Variants in SEMA3E observed in about 807,000 individuals in gnomAD.
SEMA3E encodes semaphorin 3E, also known as semaphorin-3E.
Under a neutral mutation model 93.6 loss-of-function variants are expected in SEMA3E, and 49 were observed. The observed-to-expected ratio is 0.52, with a 90% confidence interval of 0.42 to 0.66. The LOEUF (loss-of-function observed/expected upper bound fraction) is 0.66. Ranked by LOEUF, SEMA3E falls within the 30% of genes least tolerant of loss-of-function variation. The pLI is 0.00. For missense variants in SEMA3E, 906 were observed against 964.8 expected (o/e 0.94, Z 0.81); for synonymous variants, 363 against 330.7 (o/e 1.10, Z -1.06).
intron 1 of SEMA3E, among the ~76,000 whole-genome samples, chr7:83,624,715 G>C (rs1343697295): frequency 6.6e-6 from 1 of 152,132 alleles, no homozygotes; most frequent in Non-Finnish European, 1.5e-5. Flanking sequence ...CTGTGCAGAA[G>C]CTCTTTAGTT....
At chr7:83,453,630 TTGAAA>T (rs1459365678) in intron 4 of SEMA3E, among the ~76,000 whole-genome samples, 2 of 152,154 alleles carry the variant, frequency 1.3e-5, no homozygotes, top group African/African-American at 4.8e-5. Flanking sequence ...AACCACTTAC[TTGAAA>T]TGAAAATATT....
chr7:83,482,815 C>T (rs2115948684), intron 2 of SEMA3E, among the ~76,000 whole-genome samples: 1 of 152,134 alleles, frequency 6.6e-6, no homozygotes, highest in East Asian at 1.9e-4. Flanking sequence ...GGAGAACCTT[C>T]TCCAAATCTA....
At chr7:83,547,838 T>C (rs1250610005) in intron 1 of SEMA3E, among the ~76,000 whole-genome samples, 1 of 152,032 alleles carries the variant, frequency 6.6e-6, no homozygotes, top group Non-Finnish European at 1.5e-5. Flanking sequence ...CAGACTCCAG[T>C]AGGCTTACTA....
intron 2 of SEMA3E, among the ~76,000 whole-genome samples, chr7:83,473,462 C>G (rs1268714783): frequency 6.6e-6 from 1 of 152,174 alleles, no homozygotes; most frequent in Non-Finnish European, 1.5e-5. Context: ...AGCTTATGCT[C>G]TGTCAGCCTG....
At chr7:83,482,582 A>AAC (rs764242509) in intron 2 of SEMA3E, among the ~76,000 whole-genome samples, 4 of 127,868 alleles carry the variant, frequency 3.1e-5, no homozygotes, top group Non-Finnish European at 5.1e-5. Flanking sequence ...AAAAAAAAAA[A>AAC]AAAAAATTTG....
rs1260206771 is a variant in SEMA3E at position 83,400,137 on chromosome 7, A to G, written c.1257T>C (p.His419=). 1.2e-6 allele frequency: 2 copies of G among 1,613,742 alleles called. No homozygotes were observed. The highest frequency in any genetic ancestry group is 1.3e-5 in the African/African-American group (1 of 74,934). Residue 419 remains histidine, a synonymous_variant, in exon 11 of 17, where the codon CAT becomes CAC. Transcript: ENST00000643230. ...CTGTTTTTACCAATATTGGTTTTTT[A>G]TGGGCAGGTTTTATGGCCTGGTACA... ...PLMYQAIKPA[H]KKPILVKTDG...
chr7:83,584,751 A>G (rs1360768355), intron 1 of SEMA3E, among the ~76,000 whole-genome samples: 1 of 152,152 alleles, frequency 6.6e-6, no homozygotes. Flanking sequence ...CTTTAGATAT[A>G]TGAGTCAAGC....
At chr7:83,596,078 C>G (rs576117077) in intron 1 of SEMA3E, among the ~76,000 whole-genome samples, 1 of 151,946 alleles carries the variant, frequency 6.6e-6, no homozygotes, top group African/African-American at 2.4e-5. Flanking sequence ...TGTCTCTTCT[C>G]TCATTTACTT....
intron 1 of SEMA3E, among the ~76,000 whole-genome samples, chr7:83,545,981 T>G (rs1000557631): frequency 4.8e-5 from 7 of 147,118 alleles, no homozygotes; most frequent in African/African-American, 1.7e-4. Flanking sequence ...CATAATTGAA[T>G]AAGCTACATG....
At position 83,367,670 on chromosome 7, in the gene SEMA3E, C is replaced by G; in HGVS notation, c.2244G>C (p.Lys748Asn). Residue 748 changes from lysine (K) to asparagine (N), a missense_variant, in exon 17 of 17, where the codon AAG becomes AAC. By Grantham distance (94) the Lys-to-Asn change is moderately conservative. Transcript: ENST00000643230. ...TTTCCTGAGGGTTGGCATACTTCCACTTGGAGGGTGACATTTTAAGCTTTT... is the reference window on the plus strand; with the variant it reads ...TTTCCTGAGGGTTGGCATACTTCCAGTTGGAGGGTGACATTTTAAGCTTTT... ...KRKKLKMSPS[K>N]WKYANPQEKK... 6.2e-7 allele frequency: 1 copy of G among 1,614,138 alleles called. No individual in the cohort carries two copies. The highest frequency in any genetic ancestry group is 8.5e-7 in the Non-Finnish European group (1 of 1,180,024).
At chr7:83,459,641 A>T (rs950587839) in intron 4 of SEMA3E, among the ~76,000 whole-genome samples, 2 of 152,168 alleles carry the variant, frequency 1.3e-5, no homozygotes, top group Non-Finnish European at 2.9e-5. Context: ...TACAACTAGG[A>T]GTGGTTAACA....
At chr7:83,537,674 C>CT (rs1335771639) in intron 1 of SEMA3E, among the ~76,000 whole-genome samples, 5 of 152,244 alleles carry the variant, frequency 3.3e-5, no homozygotes, top group Admixed American at 1.3e-4. Context: ...CTCAATCTTT[C>CT]TTTTTTATAA....
At chr7:83,603,907 G>GT (rs919976707) in intron 1 of SEMA3E, among the ~76,000 whole-genome samples, 2 of 152,094 alleles carry the variant, frequency 1.3e-5, no homozygotes, top group Non-Finnish European at 2.9e-5. Flanking sequence ...ATGCGTGAGT[G>GT]TTTTTTAAAG....
At chr7:83,605,744 T>G (rs1195895681) in intron 1 of SEMA3E, among the ~76,000 whole-genome samples, 1 of 152,210 alleles carries the variant, frequency 6.6e-6, no homozygotes, top group Admixed American at 6.5e-5. Context: ...AAATGTCTTC[T>G]TTTGAGAAGT....
intron 1 of SEMA3E, among the ~76,000 whole-genome samples, chr7:83,508,408 G>A (rs1047139676): frequency 3.3e-5 from 5 of 151,762 alleles, no homozygotes; most frequent in Admixed American, 1.3e-4. Context: ...GATTACAGGC[G>A]TGCGCCACCA....
At chr7:83,554,319 C>G (rs1791837118) in intron 1 of SEMA3E, among the ~76,000 whole-genome samples, 1 of 152,076 alleles carries the variant, frequency 6.6e-6, no homozygotes, top group African/African-American at 2.4e-5. Flanking sequence ...GATTTTCAAA[C>G]TTCAAATAGT....
At chr7:83,470,199 A>G (rs2115894542) in intron 2 of SEMA3E, among the ~76,000 whole-genome samples, 1 of 152,358 alleles carries the variant, frequency 6.6e-6, no homozygotes. Context: ...TCTGATAAGA[A>G]GAATATATCG....
chr7:83,431,923 C>T (rs1034903021), intron 4 of SEMA3E, among the ~76,000 whole-genome samples: 1 of 150,948 alleles, frequency 6.6e-6, no homozygotes, highest in Admixed American at 6.6e-5. Flanking sequence ...CAGGTGCCAC[C>T]TATTCACTCC....
chr7:83,497,118 A>G (rs1360668859), intron 1 of SEMA3E, among the ~76,000 whole-genome samples: 1 of 152,100 alleles, frequency 6.6e-6, no homozygotes, highest in Non-Finnish European at 1.5e-5. Context: ...ATGAAGATAT[A>G]CTCTGAGGAT....
Sources: gnomAD v4.1 joint callset for allele counts (sites outside exome capture counted in the v4.1 genomes callset) on GRCh38, gnomAD v4.1.1 for gene constraint, MANE v1.5 for transcripts, NCBI Gene and HGNC (gene_info 2026-07-23, HGNC 2026-07-21) for gene names.